Variants in POGLUT1 observed in about 807,000 individuals in gnomAD.
The protein encoded by POGLUT1 is protein O-glucosyltransferase 1, also known as 9630046K23Rik.
Under a neutral mutation model 61.3 loss-of-function variants are expected in POGLUT1, and 32 were observed. The observed-to-expected ratio is 0.52, with a 90% CI of 0.39 to 0.70. The LOEUF (loss-of-function observed/expected upper bound fraction) is 0.70, where lower values mean the gene tolerates loss of function less well. POGLUT1 is among the 30% of genes least tolerant of loss of function. The pLI is 0.00. For missense variants in POGLUT1, 411 were observed against 469.8 expected, an observed-to-expected ratio of 0.87 and a Z score of 1.16; for synonymous variants, 158 against 158.2, an observed-to-expected ratio of 1.00 and a Z score of 0.01.
chr3:119,471,275 C>T (rs1482700813), intron 2 of POGLUT1, 34 bp from the exon 3 acceptor site: 2 of 1,610,302 alleles, frequency 1.2e-6, no homozygotes, highest in South Asian at 1.1e-5. Context: ...ACTCTCTTGG[C>T]CTGCTTTCCT....
At chr3:119,476,828 A>G (rs907870964) in intron 3 of POGLUT1, among the ~76,000 whole-genome samples, 1 of 152,228 alleles carries the variant, frequency 6.6e-6, no homozygotes, top group African/African-American at 2.4e-5. Context: ...GTTGAAGGTA[A>G]TGAAAGGTTT....
At chr3:119,484,060 A>G (rs1233695436) in intron 5 of POGLUT1, among the ~76,000 whole-genome samples, 1 of 152,174 alleles carries the variant, frequency 6.6e-6, no homozygotes, top group Non-Finnish European at 1.5e-5. Flanking sequence ...ATCCAGTGCT[A>G]TAGTGTCTCT....
chr3:119,480,537 C>T (rs1011267014), intron 5 of POGLUT1, among the ~76,000 whole-genome samples: 3 of 151,090 alleles, frequency 2.0e-5, no homozygotes, highest in East Asian at 2.0e-4. Flanking sequence ...CGTGAGCCAC[C>T]GCGCCCAGCC....
chr3:119,476,037 T>C, intron 3 of POGLUT1, among the ~76,000 whole-genome samples: 1 of 150,558 alleles, frequency 6.6e-6, no homozygotes, highest in Non-Finnish European at 1.5e-5. Flanking sequence ...ACACCTGTAG[T>C]CCCAGCTACT....
intron 3 of POGLUT1, among the ~76,000 whole-genome samples, chr3:119,476,625 A>G (rs2081540888): frequency 1.3e-5 from 2 of 152,156 alleles, no homozygotes. Context: ...TATTGCCCCT[A>G]GCATAGTGCT....
chr3:119,477,552 G>A, intron 4 of POGLUT1, 104 bp downstream of exon 4: 1 of 1,081,022 alleles, frequency 9.3e-7, no homozygotes, highest in Non-Finnish European at 1.4e-6. Flanking sequence ...TGGTAAGGAT[G>A]AGGACTGAGG....
At chr3:119,482,258 C>T (rs2081613631) in intron 5 of POGLUT1, among the ~76,000 whole-genome samples, 1 of 152,150 alleles carries the variant, frequency 6.6e-6, no homozygotes, top group Admixed American at 6.5e-5. Flanking sequence ...GATTATGAAA[C>T]CTATATATGC....
At position 119,481,330 on chromosome 3, in the gene POGLUT1, A is replaced by C. The variant is rs181836187; in HGVS notation, c.578+1158A>C. Reference sequence around the variant, plus strand: ...TTTCAGAATTTAGATTGTGTAGCTCATCCAAGCTGTAGGTATTTCTTACCT... The same window carrying C: ...TTTCAGAATTTAGATTGTGTAGCTCCTCCAAGCTGTAGGTATTTCTTACCT... On this transcript the variant is annotated intron_variant, in intron 5 of 10. Transcript: ENST00000295588. Among the ~76,000 whole-genome samples, 13 of 152,266 alleles carry C rather than the reference A, an allele frequency of 8.5e-5. 1 individual carries two copies. In the East Asian group the frequency reaches 2.5e-3, roughly 29 times the overall value.
chr3:119,474,673 T>G (rs544894540), intron 3 of POGLUT1, among the ~76,000 whole-genome samples: 2 of 152,114 alleles, frequency 1.3e-5, no homozygotes, highest in African/African-American at 4.8e-5. Context: ...CCGACTCTAC[T>G]AAAAATACAA....
chr3:119,480,399 CCACCA>C (rs1387915511), intron 5 of POGLUT1, among the ~76,000 whole-genome samples: 6 of 151,958 alleles, frequency 3.9e-5, no homozygotes, highest in African/African-American at 1.5e-4. Flanking sequence ...CAGGCATGTG[CCACCA>C]CACCCGGCTA....
chr3:119,485,451 T>G (rs1284982290), intron 6 of POGLUT1, 64 bp downstream of exon 6: 6 of 1,084,408 alleles, frequency 5.5e-6, no homozygotes, highest in Non-Finnish European at 8.5e-6. Context: ...TAAGTAACTT[T>G]GAGGGTATGA....
chr3:119,493,836 A>G lies in POGLUT1; in HGVS notation c.*1398A>G, dbSNP rs1162954265. On this transcript the variant is annotated 3_prime_UTR_variant, in exon 11 of 11. Transcript: ENST00000295588. The stretch of plus-strand genomic sequence containing the variant: ...TTTTTTTTTTTTTTGAGTACTAGCA[A>G]TGCACAGGGACCGTGTTCTTAGGTT... 7.4e-6 allele frequency: 1 copy of G among 134,714 alleles called. No homozygotes were observed. Among genetic ancestry groups the G allele is most frequent in the Non-Finnish European group, 1.5e-5 (1 of 66,182 alleles). 8.3% of individuals were successfully genotyped at this position (134,714 alleles called of 1,614,324 possible).
intron 2 of POGLUT1, among the ~76,000 whole-genome samples, chr3:119,471,085 GGAA>G (rs1359674457): frequency 6.6e-6 from 1 of 152,202 alleles, no homozygotes; most frequent in Non-Finnish European, 1.5e-5. Context: ...GATGGAAGGA[GGAA>G]GAAGAGACAT....
chr3:119,485,346 A>G lies in POGLUT1; in HGVS notation c.597A>G (p.Pro199=). 5 of 1,606,496 alleles carry G rather than the reference A, an allele frequency of 3.1e-6. No homozygotes were observed. Among genetic ancestry groups the G allele is most frequent in the Non-Finnish European group, 3.4e-6 (4 of 1,173,368 alleles). Residue 199 remains proline, a synonymous_variant, in exon 6 of 11, where the codon CCA becomes CCG. Coordinates refer to ENST00000295588, the MANE Select transcript of POGLUT1 (RefSeq NM_152305.3). ...EDLVRSAAQW[P]WKKKNSTAYF... ...TTCTTAGGTCAGCAGCACAGTGGCC[A>G]TGGAAAAAGAAAAACTCTACAGCAT... is the stretch of plus-strand genomic sequence containing the variant.
chr3:119,477,418 G>A lies in POGLUT1; in HGVS notation c.426G>A (p.Glu142=), dbSNP rs759973394. ...ATCCTCAGGTTCCTAAATGGATGGAGCCTGCCATCCCAGTCTTCTCCTTCA... is the reference window on the plus strand; with the variant it reads ...ATCCTCAGGTTCCTAAATGGATGGAACCTGCCATCCCAGTCTTCTCCTTCA... The part of the protein sequence containing the change: ...RDYPQVPKWM[E]PAIPVFSFSK... The change falls in exon 4 of 11, where the codon GAG becomes GAA. Residue 142 remains glutamate (E), a synonymous_variant. Transcript: ENST00000295588. 8 of 1,613,882 alleles carry A rather than the reference G, an allele frequency of 5.0e-6. No homozygotes were observed. The South Asian group carries it at 7.7e-5, about 16-fold the overall frequency.
Position 119,490,819 on chromosome 3 carries a change from C to T in POGLUT1, c.965+101C>T. The T allele has an allele frequency of 3.0e-6, 3 of 1,008,814 alleles. No homozygotes were observed. In the South Asian group the frequency reaches 5.4e-5, roughly 18 times the overall value. The allele number at this position is 1,008,814 out of a possible 1,614,324, so 62.5% of individuals were successfully genotyped here. On this transcript the variant is annotated intron_variant, in intron 9 of 10. Coordinates refer to ENST00000295588, the MANE Select transcript of POGLUT1 (RefSeq NM_152305.3). ...AACCAGTCATGTAAGACATTTAGTC[C>T]TACGATTTTTTTCCATTGAAAGCTT...
At chr3:119,477,561 G>A in intron 4 of POGLUT1, 113 bp downstream of exon 4, 2 of 1,025,050 alleles carry the variant, frequency 2.0e-6, no homozygotes, top group South Asian at 3.0e-5. Flanking sequence ...TGAGGACTGA[G>A]GTCCAGAAAT....
intron 5 of POGLUT1, 68 bp from the exon 6 acceptor site, chr3:119,485,260 A>G: frequency 7.1e-6 from 7 of 981,768 alleles, no homozygotes; most frequent in Non-Finnish European, 9.4e-6. Flanking sequence ...ATCTTCAGAA[A>G]TGGTTAAAGC....
intron 7 of POGLUT1, among the ~76,000 whole-genome samples, chr3:119,487,457 T>C (rs188642409): frequency 6.6e-6 from 1 of 152,202 alleles, no homozygotes; most frequent in Non-Finnish European, 1.5e-5. Context: ...CATGGTGGTA[T>C]GTGCCGGTAG....
Sources: gnomAD v4.1 joint callset for allele counts (sites outside exome capture counted in the v4.1 genomes callset) on GRCh38, gnomAD v4.1.1 for gene constraint, MANE v1.5 for transcripts, NCBI Gene and HGNC (gene_info 2026-07-23, HGNC 2026-07-21) for gene names.